Variants in DNAH7 observed in about 807,000 individuals in gnomAD.
The protein encoded by DNAH7 is dynein axonemal heavy chain 7, also known as axonemal beta dynein heavy chain 7.
DNAH7 carries 397 observed loss-of-function variants against 444.6 expected under a neutral mutation model. The observed-to-expected ratio is 0.89, with a 90% CI of 0.82 to 0.97. The LOEUF is 0.97. DNAH7 is among the 50% of genes least tolerant of loss of function. DNAH7 has a pLI of 0.00. For synonymous variants in DNAH7, 1,636 were observed against 1,624.4 expected, an observed-to-expected ratio of 1.01 and a Z score of -0.17; for missense variants, 4,902 against 4,800.8, an observed-to-expected ratio of 1.02 and a Z score of -0.62.
chr2:196,051,639 T>C (rs1044504366), intron 2 of DNAH7, among the ~76,000 whole-genome samples: 43 of 151,960 alleles, frequency 2.8e-4, no homozygotes, highest in African/African-American at 1.0e-3. Context: ...TGGTGGTGGG[T>C]GCCTGTAGTC....
intron 20 of DNAH7, among the ~76,000 whole-genome samples, chr2:195,936,392 CA>C (rs1281310918): frequency 2.0e-5 from 3 of 151,672 alleles, no homozygotes; most frequent in Admixed American, 2.0e-4. Context: ...AAAAAACAAA[CA>C]AAAAAAGAAA....
intron 47 of DNAH7, among the ~76,000 whole-genome samples, chr2:195,835,381 CAAAA>C (rs58376618): frequency 3.5e-4 from 40 of 113,048 alleles, no homozygotes; most frequent in Non-Finnish European, 5.4e-4. Flanking sequence ...GTGACTGAGG[CAAAA>C]AAAAAAAAAA....
At chr2:195,878,419 C>T (rs1203474754) in intron 36 of DNAH7, among the ~76,000 whole-genome samples, 1 of 151,912 alleles carries the variant, frequency 6.6e-6, no homozygotes, top group African/African-American at 2.4e-5. Flanking sequence ...TCAGCCTCGG[C>T]CACATAGCAA....
intron 54 of DNAH7, among the ~76,000 whole-genome samples, chr2:195,802,198 T>C (rs768139559): frequency 4.6e-5 from 7 of 152,196 alleles, no homozygotes; most frequent in Non-Finnish European, 1.0e-4. Flanking sequence ...GGTTTTGTTT[T>C]TTGTTCTTAT....
At chr2:195,749,521 A>G (rs989294145) in intron 63 of DNAH7, among the ~76,000 whole-genome samples, 18 of 152,186 alleles carry the variant, frequency 1.2e-4, no homozygotes, top group African/African-American at 4.3e-4. Context: ...TGCTATTAAG[A>G]CACATGCACA....
intron 55 of DNAH7, among the ~76,000 whole-genome samples, 159 bp downstream of exon 55, chr2:195,799,137 G>A (rs146228060): frequency 2.3e-4 from 35 of 152,236 alleles, no homozygotes; most frequent in South Asian, 1.2e-3. Context: ...TGTCAGTGCT[G>A]CCATTTTAGT....
chr2:195,967,095 T>C (rs1420908363), intron 17 of DNAH7, among the ~76,000 whole-genome samples: 2 of 152,136 alleles, frequency 1.3e-5, no homozygotes, highest in Non-Finnish European at 2.9e-5. Context: ...TTTTAATTTC[T>C]TACTTTTCAT....
At chr2:195,948,919 C>G (rs947867993) in intron 19 of DNAH7, among the ~76,000 whole-genome samples, 1 of 152,150 alleles carries the variant, frequency 6.6e-6, no homozygotes, top group African/African-American at 2.4e-5. Context: ...TTCTTCCTAT[C>G]CATGAGCATG....
rs913247399 is a variant in DNAH7, at chr2:195,872,238, A to G, written c.6633+12T>C. ...TCTCACATAATCCCATTTCAATAAC[A>G]GGAAAATTTACCTCATGAACCCAAA... On this transcript the variant is annotated intron_variant, in intron 40 of 64. Transcript: ENST00000312428. 6.3e-7 allele frequency: 1 copy of G among 1,592,414 alleles called. No homozygotes were observed. Among genetic ancestry groups the G allele is most frequent in the Non-Finnish European group, 8.6e-7 (1 of 1,164,550 alleles).
chr2:195,778,520 C>T (rs1036819831), intron 58 of DNAH7, among the ~76,000 whole-genome samples: 8 of 148,722 alleles, frequency 5.4e-5, no homozygotes, highest in African/African-American at 2.0e-4. Flanking sequence ...GCCTATAGTC[C>T]CAGCTAGGGA....
Position 196,058,075 on chromosome 2 carries a change from T to A in DNAH7, c.57A>T (p.Arg19Ser), listed in dbSNP as rs775131383. Residue 19 changes from arginine (R) to serine (S), a missense_variant, in exon 2 of 65, where the codon AGA becomes AGT. Physicochemically the swap from Arg to Ser is moderately radical, Grantham distance 110. Transcript: ENST00000312428. The part of the protein sequence containing the change: ...ASKEKSKKPV[R>S]FLPQLSMEKL... ...TTACCATAGACAGCTGTGGTAGAAA[T>A]CTTACTGGTTTCTTGGATTTTTCTT... The A allele has an allele frequency of 3.2e-6, 5 of 1,577,270 alleles. No individual in the cohort carries two copies. Among genetic ancestry groups the A allele is most frequent in the African/African-American group, 2.7e-5 (2 of 74,028 alleles).
At chr2:195,912,118 A>C (rs1484886692) in intron 24 of DNAH7, among the ~76,000 whole-genome samples, 2 of 152,190 alleles carry the variant, frequency 1.3e-5, no homozygotes, top group African/African-American at 4.8e-5. Context: ...AGAAGACCGT[A>C]AGTGAGTGAT....
chr2:195,864,880 T>C lies in DNAH7; in HGVS notation c.6775A>G (p.Met2259Val), dbSNP rs201381072. Reference sequence around the variant, plus strand: ...CTGCGTAAGTCATCTGCTTCCACCATGCCATCATTATCAAAATCCAAACGC... The same window carrying C: ...CTGCGTAAGTCATCTGCTTCCACCACGCCATCATTATCAAAATCCAAACGC... ...FQRLDFDNDG[M>V]VEADDLRSLM... is the part of the protein sequence containing the mutation. Residue 2259 changes from methionine to valine, a missense_variant, in exon 41 of 65, where the codon ATG becomes GTG. Transcript: ENST00000312428. 1.9e-5 allele frequency: 31 copies of C among 1,614,022 alleles called. No homozygotes were observed. The highest frequency in any genetic ancestry group is 2.5e-5 in the Non-Finnish European group (29 of 1,180,022).
At position 195,972,387 on chromosome 2, in the gene DNAH7, A is replaced by G; in HGVS notation, c.1913T>C (p.Phe638Ser). Reference sequence around the variant, plus strand: ...AGAAAAGTTGACATACTCGATGAGGAAGGCGAGGCAGTTTTTGGAATCCAC... The same window carrying G: ...AGAAAAGTTGACATACTCGATGAGGGAGGCGAGGCAGTTTTTGGAATCCAC... Reference protein sequence around the residue: ...RLVDSKNCLAFLIEYVNFSPA... With the variant: ...RLVDSKNCLASLIEYVNFSPA... Residue 638 changes from phenylalanine to serine, a missense_variant, in exon 16 of 65, where the codon TTC (phenylalanine) becomes TCC (serine). Transcript: ENST00000312428. The G allele has an allele frequency of 6.2e-7, 1 of 1,614,150 alleles. No homozygotes were observed. Among genetic ancestry groups the G allele is most frequent in the Non-Finnish European group, 8.5e-7 (1 of 1,179,990 alleles).
chr2:195,755,213 G>C (rs1275625370), intron 62 of DNAH7, among the ~76,000 whole-genome samples: 2 of 152,170 alleles, frequency 1.3e-5, no homozygotes, highest in African/African-American at 4.8e-5. Flanking sequence ...GTACCCAATA[G>C]AATGTTGCTT....
chr2:196,014,719 C>G (rs1345336786), intron 9 of DNAH7, among the ~76,000 whole-genome samples: 1 of 152,156 alleles, frequency 6.6e-6, no homozygotes, highest in African/African-American at 2.4e-5. Flanking sequence ...AGAAATTCCA[C>G]TCGAAGTATC....
chr2:196,064,813 T>G (rs966885853), intron 1 of DNAH7, among the ~76,000 whole-genome samples: 3 of 152,198 alleles, frequency 2.0e-5, no homozygotes, highest in Admixed American at 6.5e-5. Flanking sequence ...GTACAATGTA[T>G]CCATTCCATT....
chr2:196,012,951 G>A (rs1185504092), intron 9 of DNAH7, 45 bp from the exon 10 acceptor site: 4 of 1,331,388 alleles, frequency 3.0e-6, no homozygotes, highest in South Asian at 2.0e-5. Context: ...TGACTTTTTT[G>A]GTATTTAATA....
At chr2:195,897,867 G>A (rs1388927767) in intron 28 of DNAH7, 102 bp from the exon 29 acceptor site, 3 of 519,448 alleles carry the variant, frequency 5.8e-6, no homozygotes, top group African/African-American at 3.9e-5. Flanking sequence ...CTGTAACTCA[G>A]TTTAAACAAA....
Sources: gnomAD v4.1 joint callset for allele counts (sites outside exome capture counted in the v4.1 genomes callset) on GRCh38, gnomAD v4.1.1 for gene constraint, MANE v1.5 for transcripts, NCBI Gene and HGNC (gene_info 2026-07-23, HGNC 2026-07-21) for gene names.